TULP4: variants seen among roughly 807,000 people sequenced by gnomAD.
TULP4 encodes the protein TUB like protein 4, also known as tubby-related protein 4.
A neutral mutation model predicts 129.0 loss-of-function variants in TULP4; 16 were observed. The ratio of observed to expected loss-of-function variants is 0.12; its 90% confidence interval spans 0.08 to 0.19. The LOEUF (loss-of-function observed/expected upper bound fraction) is 0.19. TULP4 is among the 10% of genes least tolerant of loss of function. TULP4 has a pLI of 1.00. For synonymous variants in TULP4, 998 were observed against 854.0 expected, an observed-to-expected ratio of 1.17 and a Z score of -2.94; for missense variants, 1,842 against 2,059.1, an observed-to-expected ratio of 0.89 and a Z score of 2.04.
At chr6:158,499,860 T>A (rs74824862) in intron 12 of TULP4, among the ~76,000 whole-genome samples, 1 of 151,954 alleles carries the variant, frequency 6.6e-6, no homozygotes, top group Non-Finnish European at 1.5e-5. Context: ...GAAAAAAAAA[T>A]GATTTATACT....
chr6:158,274,646 G>A (rs567929595), intron 1 of TULP4, among the ~76,000 whole-genome samples: 4 of 152,140 alleles, frequency 2.6e-5, no homozygotes, highest in East Asian at 1.9e-4. Context: ...GTGTGGTGGC[G>A]GGCGCCTGTA....
intron 8 of TULP4, 67 bp downstream of exon 8, chr6:158,481,356 C>A: frequency 7.1e-7 from 1 of 1,409,710 alleles, no homozygotes; most frequent in Admixed American, 1.9e-5. Context: ...ACGCCTTACA[C>A]CCCATGCAAA....
rs772156976 is a variant in TULP4, at chr6:158,503,259, C to T, written c.3596C>T (p.Pro1199Leu). The T allele has an allele frequency of 1.9e-6, 3 of 1,614,072 alleles. No homozygotes were observed. In the African/African-American group the frequency reaches 4.0e-5, roughly 22 times the overall value. ...VPYPGSYNNP[P>L]LPGVQAPCSP... ...TATCCAGGAAGCTATAACAACCCCC[C>T]TTTGCCTGGAGTGCAGGCTCCCTGC... Residue 1199 changes from proline (P) to leucine (L), a missense_variant, in exon 13 of 14, where the codon CCT (proline) becomes CTT (leucine). By Grantham distance (98) the Pro-to-Leu change is moderately conservative. Coordinates refer to ENST00000367097, the MANE Select transcript of TULP4 (RefSeq NM_020245.5). The surrounding 1 kb of genome is among the most constrained non-coding windows in gnomAD (Gnocchi z 4.3).
upstream of TULP4, among the ~76,000 whole-genome samples, chr6:158,278,941 GTT>G (rs35915892): frequency 0.072 from 8,866 of 123,360 alleles, 258 homozygotes; most frequent in African/African-American, 0.1. Flanking sequence ...GTTTTTTTTT[GTT>G]TTTTTTTTTT....
At chr6:158,305,951 A>G (rs185683653) in intron 1 of TULP4, among the ~76,000 whole-genome samples, 66 of 152,310 alleles carry the variant, frequency 4.3e-4, no homozygotes, top group Non-Finnish European at 8.2e-4. Flanking sequence ...AGGTAGAAAG[A>G]AAGGAAGTGA....
rs756964978 is a variant in TULP4, at chr6:158,494,855, C to G, written c.1870+9C>G. 1.9e-6 allele frequency: 3 copies of G among 1,612,484 alleles called. No homozygotes were observed. The highest frequency in any genetic ancestry group is 2.5e-6 in the Non-Finnish European group (3 of 1,178,632). On this transcript the variant is annotated intron_variant, in intron 11 of 13. Transcript: ENST00000367097. ...AACCAACCTCGGTGCAGGTAAAAAT[C>G]ATGTCCTCTTCTCTCATTGTCCCAG... is the stretch of plus-strand genomic sequence containing the variant.
chr6:158,239,682 A>G (rs1372265605), intron 1 of TULP4, among the ~76,000 whole-genome samples: 8 of 58,668 alleles, frequency 1.4e-4, no homozygotes, highest in Non-Finnish European at 1.9e-4. Flanking sequence ...CTGGCCGGGC[A>G]GAGGGGCTCC....
chr6:158,384,388 C>T (rs527952952), intron 1 of TULP4, among the ~76,000 whole-genome samples: 20 of 151,594 alleles, frequency 1.3e-4, no homozygotes, highest in Admixed American at 3.9e-4. Context: ...CCTGGGTTCA[C>T]GCCATTCTCC....
At chr6:158,254,573 T>C (rs1778211406) in intron 1 of TULP4, among the ~76,000 whole-genome samples, 1 of 152,272 alleles carries the variant, frequency 6.6e-6, no homozygotes, top group South Asian at 2.1e-4. Context: ...CTGTAAGTGA[T>C]AATCATTGCT....
In TULP4 at chr6:158,452,288, C is replaced by T. The variant is rs772513056; in HGVS notation, c.859+20C>T. ...TGAAAGGTACAGAATGCTGCACACA[C>T]CCCAAACCTGCAGACCGGGCCTGTG... On this transcript the variant is annotated intron_variant, in intron 5 of 13. Coordinates refer to ENST00000367097, the MANE Select transcript of TULP4 (RefSeq NM_020245.5). 9 of 1,612,358 alleles carry T rather than the reference C, an allele frequency of 5.6e-6. No individual in the cohort carries two copies. The Admixed American group carries it at 1.2e-4, about 21-fold the overall frequency.
At chr6:158,418,143 G>T (rs1415045489) in intron 2 of TULP4, among the ~76,000 whole-genome samples, 3 of 144,368 alleles carry the variant, frequency 2.1e-5, no homozygotes, top group African/African-American at 7.8e-5. Flanking sequence ...GGGTCTCTCT[G>T]TCACCCAGGC....
intron 1 of TULP4, among the ~76,000 whole-genome samples, chr6:158,300,566 C>G (rs1432313495): frequency 6.6e-6 from 1 of 152,116 alleles, no homozygotes. Context: ...AATCAAAAGC[C>G]TTACTAACAT....
rs1339665107 is a variant in TULP4 at position 158,493,921 on chromosome 6, A to G, written c.1776+204A>G. ...CACCTGTGCCCCTCAGCCAGTTCTG[A>G]TCTTGCAGTGACGGTGGGAGAGAAC... On this transcript the variant is annotated intron_variant, in intron 10 of 13. Coordinates refer to ENST00000367097, the MANE Select transcript of TULP4 (RefSeq NM_020245.5). The surrounding 1 kb of genome is among the most constrained non-coding windows in gnomAD (Gnocchi z 4.4). Among the ~76,000 whole-genome samples the G allele has an allele frequency of 2.0e-5, 3 of 151,914 alleles. No homozygotes were observed. Among genetic ancestry groups the G allele is most frequent in the Non-Finnish European group, 4.4e-5 (3 of 67,946 alleles).
At chr6:158,395,472 T>C in intron 1 of TULP4, among the ~76,000 whole-genome samples, 1 of 151,506 alleles carries the variant, frequency 6.6e-6, no homozygotes, top group Non-Finnish European at 1.5e-5. Flanking sequence ...TCCCAGCTAC[T>C]CAGGAGGCTG....
chr6:158,255,043 G>A (rs1237676165), intron 1 of TULP4, among the ~76,000 whole-genome samples: 2 of 152,224 alleles, frequency 1.3e-5, no homozygotes, highest in Non-Finnish European at 2.9e-5. Flanking sequence ...CTGCACTCCA[G>A]CCTGGGTGAC....
intron 1 of TULP4, among the ~76,000 whole-genome samples, chr6:158,255,027 G>T (rs1778219271): frequency 6.6e-6 from 1 of 152,166 alleles, no homozygotes; most frequent in Non-Finnish European, 1.5e-5. Context: ...AGCTGAGATT[G>T]CGCCACTGCA....
At chr6:158,370,013 G>A (rs1180707585) in intron 1 of TULP4, among the ~76,000 whole-genome samples, 4 of 151,266 alleles carry the variant, frequency 2.6e-5, no homozygotes, top group Admixed American at 2.0e-4. Flanking sequence ...TCAAACTAGG[G>A]CAGCATGGAG....
chr6:158,446,816 G>A (rs1425152250), intron 3 of TULP4, among the ~76,000 whole-genome samples: 1 of 152,136 alleles, frequency 6.6e-6, no homozygotes, highest in Non-Finnish European at 1.5e-5. Flanking sequence ...TTTCCTCAGT[G>A]CTTGGGTGTA....
chr6:158,234,904 C>G (rs570229706), intron 1 of TULP4, among the ~76,000 whole-genome samples: 1 of 152,156 alleles, frequency 6.6e-6, no homozygotes, highest in Non-Finnish European at 1.5e-5. Context: ...TGGTGGCTCC[C>G]GCCTATAATC....
Sources: allele counts gnomAD v4.1 joint callset (sites outside exome capture counted in the v4.1 genomes callset), GRCh38; gene constraint gnomAD v4.1.1; non-coding constraint Gnocchi (gnomAD v3.1); transcripts MANE v1.5; gene names NCBI Gene and HGNC (gene_info 2026-07-23, HGNC 2026-07-21).